The following TUSC3 variants were observed in gnomAD, a reference collection of about 807,000 sequenced individuals.
The protein encoded by TUSC3 is dolichyl-diphosphooligosaccharide--protein glycosyltransferase subunit TUSC3.
Under a neutral mutation model 44.8 loss-of-function variants are expected in TUSC3, and 45 were observed. The observed-to-expected ratio is 1.00, with a 90% CI of 0.79 to 1.29. The LOEUF (loss-of-function observed/expected upper bound fraction) is 1.29, where lower values mean the gene tolerates loss of function less well. Ranked by LOEUF, TUSC3 falls within the 50% of genes most tolerant of loss-of-function variation. The pLI is 0.00. For missense variants in TUSC3, 519 were observed against 437.9 expected (o/e 1.19, Z -1.65); for synonymous variants, 212 against 152.9 (o/e 1.39, Z -2.85).
At chr8:15,673,456 T>C (rs1305769716) in intron 5 of TUSC3, among the ~76,000 whole-genome samples, 1 of 152,090 alleles carries the variant, frequency 6.6e-6, no homozygotes, top group Non-Finnish European at 1.5e-5. Flanking sequence ...GAGCACATAG[T>C]ATCAGATTGC....
chr8:15,724,554 A>G (rs1355363595), intron 6 of TUSC3, among the ~76,000 whole-genome samples: 4 of 152,210 alleles, frequency 2.6e-5, no homozygotes, highest in Non-Finnish European at 4.4e-5. Context: ...GGTTGACAGT[A>G]AATTATCATG....
the TUSC3 span, among the ~76,000 whole-genome samples, chr8:15,813,337 C>G: frequency 6.6e-6 from 1 of 151,414 alleles, no homozygotes; most frequent in Admixed American, 6.6e-5. Flanking sequence ...GCTGAGTCCT[C>G]TGTACCATTA....
At chr8:15,543,026 A>C (rs1585085214) in intron 1 of TUSC3, among the ~76,000 whole-genome samples, 1 of 152,332 alleles carries the variant, frequency 6.6e-6, no homozygotes, top group Non-Finnish European at 1.5e-5. Context: ...CTAAGTTCAC[A>C]AACTGTGATC....
chr8:15,654,939 T>G (rs899971972), intron 3 of TUSC3, among the ~76,000 whole-genome samples: 2 of 152,214 alleles, frequency 1.3e-5, no homozygotes, highest in Non-Finnish European at 2.9e-5. Flanking sequence ...CTGTGTGACC[T>G]TTGGTAAATC....
At chr8:15,582,943 A>T (rs917151873) in intron 1 of TUSC3, among the ~76,000 whole-genome samples, 1 of 152,168 alleles carries the variant, frequency 6.6e-6, no homozygotes, top group African/African-American at 2.4e-5. Flanking sequence ...TATACCTCAA[A>T]TTGCAATTCT....
In TUSC3 at chr8:15,522,510, G is replaced by A. The variant is rs140291673; in HGVS notation, n.189+39027G>A. 2.2e-3 allele frequency among the ~76,000 whole-genome samples: 333 copies of A among 151,814 alleles called. 1 individual carries two copies. The East Asian group carries it at 0.023, about 10-fold the overall frequency. On this transcript the variant is annotated intron_variant and non_coding_transcript_variant, in intron 2 of 5. Coordinates refer to the TUSC3 transcript ENST00000503191. ...GGCCTCCCAAAGTGCTGAGATCACCGGTATGAGCCACCATGCCCAGCCTAT... is the reference window on the plus strand; with the variant it reads ...GGCCTCCCAAAGTGCTGAGATCACCAGTATGAGCCACCATGCCCAGCCTAT...
At chr8:15,643,527 T>C (rs1006313153) in intron 2 of TUSC3, among the ~76,000 whole-genome samples, 3 of 152,192 alleles carry the variant, frequency 2.0e-5, no homozygotes, top group Non-Finnish European at 4.4e-5. Context: ...TGCTTTAAAA[T>C]ATGTATTTGG....
At chr8:15,827,785 G>A in the TUSC3 span, among the ~76,000 whole-genome samples, 2 of 152,106 alleles carry the variant, frequency 1.3e-5, no homozygotes, top group Admixed American at 6.5e-5. Flanking sequence ...TAATTTAGAT[G>A]AAGAGATTTA....
chr8:15,496,742 A>G (rs1266193949), intron 2 of TUSC3, among the ~76,000 whole-genome samples: 2 of 152,280 alleles, frequency 1.3e-5, no homozygotes, highest in South Asian at 2.1e-4. Flanking sequence ...TCATTTTAAC[A>G]GGGAGAGCTG....
chr8:15,597,806 T>C (rs1204311694), intron 1 of TUSC3, among the ~76,000 whole-genome samples: 1 of 152,072 alleles, frequency 6.6e-6, no homozygotes, highest in African/African-American at 2.4e-5. Flanking sequence ...CCGTACTTTA[T>C]CATTGGTCAG....
At chr8:15,461,169 G>A (rs941894848) in intron 1 of TUSC3, among the ~76,000 whole-genome samples, 2 of 152,170 alleles carry the variant, frequency 1.3e-5, no homozygotes, top group African/African-American at 2.4e-5. Context: ...AGCATGGGAT[G>A]TGTTTCCCTT....
the TUSC3 span, among the ~76,000 whole-genome samples, chr8:15,850,489 T>A: frequency 6.6e-6 from 1 of 152,176 alleles, no homozygotes; most frequent in Non-Finnish European, 1.5e-5. Flanking sequence ...CTAACACATT[T>A]ATTGCTGAAA....
intron 6 of TUSC3, among the ~76,000 whole-genome samples, chr8:15,729,400 T>G (rs62503663): frequency 0.21 from 31,211 of 152,022 alleles, 4,128 homozygotes; most frequent in Non-Finnish European, 0.3. Context: ...CTTGAACAAG[T>G]TAGGTAAATT....
chr8:15,573,158 T>TTC (rs68104374), intron 1 of TUSC3, among the ~76,000 whole-genome samples: 40 of 110,754 alleles, frequency 3.6e-4, no homozygotes, highest in African/African-American at 1.3e-3. Flanking sequence ...CAGTATAGTG[T>TTC]TCTCTCTCTT....
the TUSC3 span, among the ~76,000 whole-genome samples, chr8:15,798,643 G>C: frequency 3.7e-5 from 5 of 135,382 alleles, no homozygotes; most frequent in African/African-American, 1.5e-4. Context: ...TACTCTCCTG[G>C]GTGTGTGGGG....
chr8:15,704,255 G>GT (rs373598712), intron 6 of TUSC3, among the ~76,000 whole-genome samples: 91,140 of 137,082 alleles, frequency 0.66, 32,385 homozygotes, highest in Non-Finnish European at 0.8. Context: ...ATTCTTAATG[G>GT]TTTTTTTTTT....
chr8:15,644,822 A>C (rs1183953312), intron 2 of TUSC3, among the ~76,000 whole-genome samples: 2 of 152,064 alleles, frequency 1.3e-5, no homozygotes, highest in African/African-American at 4.8e-5. Flanking sequence ...ACTGAATTAC[A>C]CTCAGCAGAA....
chr8:15,780,745 TTGTG>T, the TUSC3 span, among the ~76,000 whole-genome samples: 1 of 152,056 alleles, frequency 6.6e-6, no homozygotes, highest in Non-Finnish European at 1.5e-5. Flanking sequence ...TGGAAGAAGT[TTGTG>T]TGGGCAATGA....
chr8:15,759,806 C>G (rs1168874824), intron 10 of TUSC3, among the ~76,000 whole-genome samples: 2 of 152,158 alleles, frequency 1.3e-5, no homozygotes, highest in African/African-American at 4.8e-5. Context: ...ACCACATTAA[C>G]AGTTCACCTC....
Sources: allele counts gnomAD v4.1 joint callset (sites outside exome capture counted in the v4.1 genomes callset), GRCh38; gene constraint gnomAD v4.1.1; transcripts MANE v1.5; gene names NCBI Gene and HGNC (gene_info 2026-07-23, HGNC 2026-07-21).